PITPNM3: variants seen among roughly 807,000 people sequenced by gnomAD.
The protein encoded by PITPNM3 is membrane-associated phosphatidylinositol transfer protein 3.
PITPNM3 carries 26 observed loss-of-function variants against 102.0 expected under a neutral mutation model. The ratio of observed to expected loss-of-function variants is 0.25; its 90% CI spans 0.19 to 0.35. The LOEUF (loss-of-function observed/expected upper bound fraction) is 0.35. Among genes scored for constraint, PITPNM3 ranks in the 10% least tolerant of loss-of-function variants. The probability of loss-of-function intolerance (pLI) is 1.00; values close to 1 mark genes in which losing one functional copy is unlikely to be tolerated. For missense variants in PITPNM3, 1,083 were observed against 1,346.1 expected (o/e 0.80, Z 3.06); for synonymous variants, 578 against 558.6 (o/e 1.03, Z -0.49).
At chr17:6,474,317 A>C (rs1905195878) in intron 10 of PITPNM3, 115 bp downstream of exon 10, 1 of 1,396,072 alleles carries the variant, frequency 7.2e-7, no homozygotes, top group Admixed American at 1.9e-5. Context: ...ACCTATCCCA[A>C]CTCTGTGACC....
At chr17:6,489,275 C>T (rs1037215221) in intron 4 of PITPNM3, among the ~76,000 whole-genome samples, 7 of 152,146 alleles carry the variant, frequency 4.6e-5, no homozygotes, top group African/African-American at 1.7e-4. Flanking sequence ...GCTGAGGGCC[C>T]ACTGGCTAAA....
At position 6,478,624 on chromosome 17, in the gene PITPNM3, C is replaced by T. The variant is rs377533294; in HGVS notation, c.700G>A (p.Ala234Thr). The T allele has an allele frequency of 7.6e-5, 122 of 1,614,008 alleles. No homozygotes were observed. The highest frequency in any genetic ancestry group is 3.3e-4 in the Middle Eastern group (2 of 6,062). ...TGGTTGGCTCGCTCGATGACGGTGG[C>T]GACAGCATCCTGGTACTGCGGGGAG... The part of the protein sequence containing the change: ...ISSPQYQDAV[A>T]TVIERANQVY... Residue 234 changes from alanine to threonine, a missense_variant, in exon 7 of 20, where the codon GCC (alanine) becomes ACC (threonine). Physicochemically the swap from Ala to Thr is moderately conservative, Grantham distance 58. Around this residue, in one of 5 missense-constraint regions of PITPNM3, gnomAD observed 290 missense variants for 337.8 expected, o/e 0.86. Coordinates refer to ENST00000262483, the MANE Select transcript of PITPNM3 (RefSeq NM_031220.4). The surrounding 1 kb of genome is among the most constrained non-coding windows in gnomAD (Gnocchi z 4.4).
At chr17:6,509,747 C>CGT (rs1455450750) in intron 3 of PITPNM3, among the ~76,000 whole-genome samples, 1 of 152,194 alleles carries the variant, frequency 6.6e-6, no homozygotes, top group Non-Finnish European at 1.5e-5. Context: ...CCTGGCCCAG[C>CGT]GTAAGCCCCT....
chr17:6,549,477 C>T (rs899673468), intron 1 of PITPNM3, among the ~76,000 whole-genome samples: 1 of 152,174 alleles, frequency 6.6e-6, no homozygotes, highest in African/African-American at 2.4e-5. Flanking sequence ...GACCCAGCTC[C>T]CACCCCAGAG....
chr17:6,504,895 C>T (rs891539825), intron 3 of PITPNM3, among the ~76,000 whole-genome samples: 12 of 152,134 alleles, frequency 7.9e-5, no homozygotes, highest in Non-Finnish European at 1.6e-4. Flanking sequence ...GTAAAGCCGG[C>T]TAGGCACGGT....
At chr17:6,502,820 A>C (rs575791742) in intron 4 of PITPNM3, among the ~76,000 whole-genome samples, 1 of 152,320 alleles carries the variant, frequency 6.6e-6, no homozygotes, top group South Asian at 2.1e-4. Context: ...TCCTCCCAGA[A>C]CATCCAAGGA....
intron 2 of PITPNM3, among the ~76,000 whole-genome samples, chr17:6,526,183 C>T (rs917678824): frequency 6.6e-6 from 1 of 152,182 alleles, no homozygotes; most frequent in Non-Finnish European, 1.5e-5. Context: ...CTTGTTCTTT[C>T]CTTGTCTGAG....
intron 4 of PITPNM3, among the ~76,000 whole-genome samples, chr17:6,493,480 G>C (rs1351257547): frequency 6.6e-6 from 1 of 152,212 alleles, no homozygotes; most frequent in African/African-American, 2.4e-5. Flanking sequence ...CACAACCTAG[G>C]AAATGTTTAC....
intron 4 of PITPNM3, among the ~76,000 whole-genome samples, chr17:6,486,206 G>C (rs1906084289): frequency 6.6e-6 from 1 of 152,146 alleles, no homozygotes; most frequent in African/African-American, 2.4e-5. Context: ...TACCTCCCGT[G>C]TGTGGCTAAA....
rs896271208 is a variant in PITPNM3, at chr17:6,468,315, G to A, written c.1800C>T (p.Ile600=). 8 of 1,614,090 alleles carry A rather than the reference G, an allele frequency of 5.0e-6. No homozygotes were observed. The highest frequency in any genetic ancestry group is 1.7e-4 in the Middle Eastern group (1 of 5,986). ...CAGGGTCCAGGCGGGCGCTTTCCTT[G>A]ATGTTCACGCTCTCATAGCGCATTA... The part of the protein sequence containing the change: ...RQVMRYESVN[I]KESARLDPAA... The change falls in exon 14 of 20, where the codon ATC becomes ATT. Residue 600 remains isoleucine (I), a synonymous_variant. Coordinates refer to ENST00000262483, the MANE Select transcript of PITPNM3 (RefSeq NM_031220.4). The surrounding 1 kb of genome is among the most constrained non-coding windows in gnomAD (Gnocchi z 5.2).
rs1904346159 is a variant in PITPNM3 at position 6,459,404 on chromosome 17, T to A, written c.2491-1682A>T. 6.6e-6 allele frequency among the ~76,000 whole-genome samples: 1 copy of A among 151,972 alleles called. No individual in the cohort carries two copies. The highest frequency in any genetic ancestry group is 2.4e-5 in the African/African-American group (1 of 41,324). ...ACTCTCCTCCTGGTTCCTCAGCTGC[T>A]CCTTGTGCTGCTCTCAGTGGCCCAG... On this transcript the variant is annotated intron_variant, in intron 18 of 19. Transcript: ENST00000262483. The surrounding 1 kb of genome is among the most constrained non-coding windows in gnomAD (Gnocchi z 5.0).
intron 2 of PITPNM3, among the ~76,000 whole-genome samples, chr17:6,534,279 T>A (rs1909295170): frequency 1.3e-5 from 2 of 152,316 alleles, no homozygotes; most frequent in African/African-American, 4.8e-5. Context: ...ACCTGCCACC[T>A]TAGCCAGAGG....
intron 1 of PITPNM3, among the ~76,000 whole-genome samples, chr17:6,553,159 C>G (rs1910410159): frequency 1.3e-5 from 2 of 152,120 alleles, no homozygotes; most frequent in Non-Finnish European, 2.9e-5. Context: ...AAGCCACTCA[C>G]TGGCCTCTCT....
intron 2 of PITPNM3, among the ~76,000 whole-genome samples, chr17:6,529,183 GACCAAA>G (rs1388495193): frequency 6.6e-6 from 1 of 152,108 alleles, no homozygotes; most frequent in Non-Finnish European, 1.5e-5. Context: ...CTCTGACCCT[GACCAAA>G]ACCTGGTTAT....
At chr17:6,506,532 C>T (rs567516975) in intron 3 of PITPNM3, among the ~76,000 whole-genome samples, 39 of 152,166 alleles carry the variant, frequency 2.6e-4, no homozygotes, top group Middle Eastern at 3.4e-3. Context: ...CCACCACACC[C>T]GGCTAATTTT....
intron 11 of PITPNM3, among the ~76,000 whole-genome samples, chr17:6,471,817 G>C (rs1326502153): frequency 6.6e-6 from 1 of 152,176 alleles, no homozygotes; most frequent in East Asian, 1.9e-4. Context: ...CCTCAGGGGA[G>C]GGAGGGGAGT....
intron 6 of PITPNM3, chr17:6,480,163 C>T (rs1039228065): frequency 3.9e-5 from 6 of 152,218 alleles, no homozygotes; most frequent in African/African-American, 1.4e-4. Flanking sequence ...CTGGACATCT[C>T]GCAGTTTAAC....
Position 6,469,648 on chromosome 17 carries a change from G to A in PITPNM3, c.1773+612C>T, listed in dbSNP as rs1282697921. Among the ~76,000 whole-genome samples the A allele has an allele frequency of 1.3e-5, 2 of 152,136 alleles. No homozygotes were observed. Among genetic ancestry groups the A allele is most frequent in the African/African-American group, 4.8e-5 (2 of 41,402 alleles). ...CTACTCCAAGCCTCCTCTCTAAGTTGGGCCCCTGCACTGGCCTCACAAGAG... is the reference window on the plus strand; with the variant it reads ...CTACTCCAAGCCTCCTCTCTAAGTTAGGCCCCTGCACTGGCCTCACAAGAG... On this transcript the variant is annotated intron_variant, in intron 13 of 19. Transcript: ENST00000262483. The surrounding 1 kb of genome is among the most constrained non-coding windows in gnomAD (Gnocchi z 4.0).
chr17:6,503,788 G>A (rs1205745959), intron 3 of PITPNM3, among the ~76,000 whole-genome samples: 1 of 152,158 alleles, frequency 6.6e-6, no homozygotes, highest in South Asian at 2.1e-4. Flanking sequence ...GGGAGAGTAC[G>A]GCCTGGCTCC....
Sources: allele counts gnomAD v4.1 joint callset (sites outside exome capture counted in the v4.1 genomes callset), GRCh38; gene constraint gnomAD v4.1.1; regional missense constraint gnomAD v4.1.1; non-coding constraint Gnocchi (gnomAD v3.1); transcripts MANE v1.5; gene names NCBI Gene and HGNC (gene_info 2026-07-23, HGNC 2026-07-21).